CNTNAP4: variants seen among roughly 807,000 people sequenced by gnomAD.
CNTNAP4 encodes the protein contactin associated protein family member 4.
In CNTNAP4, 98 loss-of-function variants were observed where a neutral mutation model predicts 148.4. The ratio of observed to expected loss-of-function variants is 0.66; its 90% CI spans 0.56 to 0.78. CNTNAP4 has a LOEUF of 0.78. CNTNAP4 is among the 30% of genes least tolerant of loss of function. The probability of loss-of-function intolerance (pLI) is 0.00; values close to 1 mark genes in which losing one functional copy is unlikely to be tolerated. For missense variants in CNTNAP4, 1,935 were observed against 1,565.6 expected, an observed-to-expected ratio of 1.24 and a Z score of -3.98; for synonymous variants, 730 against 565.1, an observed-to-expected ratio of 1.29 and a Z score of -4.14.
At chr16:76,379,131 G>GGTGTCATAGGGTCTAACTGAATCCGA (rs1215804782) in intron 3 of CNTNAP4, among the ~76,000 whole-genome samples, 25 of 152,164 alleles carry the variant, frequency 1.6e-4, no homozygotes, top group Non-Finnish European at 2.9e-4. Flanking sequence ...CCATTCCTTG[G>GGTGTCATAGGGTCTAACTGAATCCGA]GTGTCATAGG....
chr16:76,428,232 T>C (rs1568128661), intron 4 of CNTNAP4, among the ~76,000 whole-genome samples: 1 of 152,182 alleles, frequency 6.6e-6, no homozygotes. Flanking sequence ...CTAAGAGTTA[T>C]TGATAGTGCA....
chr16:76,321,682 A>G (rs919409447), intron 2 of CNTNAP4, among the ~76,000 whole-genome samples: 1 of 150,794 alleles, frequency 6.6e-6, no homozygotes, highest in Non-Finnish European at 1.5e-5. Context: ...CCAGCTACTC[A>G]GGAGGCTGGG....
intron 2 of CNTNAP4, among the ~76,000 whole-genome samples, chr16:76,346,598 A>G (rs1356388878): frequency 6.6e-6 from 1 of 152,210 alleles, no homozygotes; most frequent in Non-Finnish European, 1.5e-5. Flanking sequence ...TAATGGGCTT[A>G]GAAAGCAAAA....
chr16:76,421,737 G>T (rs982670289), intron 3 of CNTNAP4, among the ~76,000 whole-genome samples: 3 of 152,080 alleles, frequency 2.0e-5, no homozygotes, highest in African/African-American at 7.2e-5. Context: ...TCATGTGTAG[G>T]ACACATGTAG....
At position 76,438,496 on chromosome 16, in the gene CNTNAP4, T is replaced by G. The variant is rs111368721; in HGVS notation, c.539-9516T>G. On this transcript the variant is annotated intron_variant, in intron 4 of 23. Transcript: ENST00000611870. ...GAAGAAAGAAATCCCACAAGAGTAT[T>G]GCCTTGGGAGTAAAGACTGTACCTG... Among the ~76,000 whole-genome samples the G allele has an allele frequency of 4.1e-3, 629 of 151,626 alleles. 2 individuals are homozygous for G. Among genetic ancestry groups the G allele is most frequent in the Non-Finnish European group, 6.5e-3 (445 of 67,988 alleles).
intron 3 of CNTNAP4, among the ~76,000 whole-genome samples, chr16:76,361,265 G>A (rs1212535889): frequency 6.6e-6 from 1 of 152,106 alleles, no homozygotes; most frequent in African/African-American, 2.4e-5. Flanking sequence ...TGCTTAACTG[G>A]AACATTTAAT....
In CNTNAP4 at chr16:76,537,024, C is replaced by T. The variant is rs150363587; in HGVS notation, c.2996-1092C>T. On this transcript the variant is annotated intron_variant, in intron 18 of 23. Transcript: ENST00000611870. ...CTCTTTTCAAGTCATCTGCTTTTCT[C>T]AGGAATAATCTATAATTTACAAATC... Among the ~76,000 whole-genome samples, 73 of 152,266 alleles carry T rather than the reference C, an allele frequency of 4.8e-4. No individual in the cohort carries two copies. The East Asian group carries it at 0.014, about 28-fold the overall frequency.
At chr16:76,309,623 G>T (rs934791075) in intron 1 of CNTNAP4, among the ~76,000 whole-genome samples, 3 of 152,212 alleles carry the variant, frequency 2.0e-5, no homozygotes, top group Non-Finnish European at 4.4e-5. Context: ...AAGTTATTAA[G>T]TCCTGGCTAT....
intron 1 of CNTNAP4, among the ~76,000 whole-genome samples, chr16:76,301,085 A>G (rs1959913527): frequency 1.3e-5 from 2 of 152,136 alleles, no homozygotes; most frequent in Admixed American, 1.3e-4. Flanking sequence ...ACAAAGAAAA[A>G]CTATACCATA....
chr16:76,366,813 CAAAA>C (rs975745002), intron 3 of CNTNAP4, among the ~76,000 whole-genome samples: 2 of 151,536 alleles, frequency 1.3e-5, no homozygotes, highest in African/African-American at 2.4e-5. Flanking sequence ...GTACAAGAAA[CAAAA>C]AAAGAACTAT....
intron 3 of CNTNAP4, among the ~76,000 whole-genome samples, chr16:76,384,938 T>A (rs1433155617): frequency 2.0e-5 from 3 of 152,184 alleles, no homozygotes; most frequent in South Asian, 2.1e-4. Context: ...TTAAATTTTT[T>A]AAAAAATCAA....
chr16:76,337,683 G>A (rs1483154282), intron 2 of CNTNAP4, among the ~76,000 whole-genome samples: 1 of 152,144 alleles, frequency 6.6e-6, no homozygotes, highest in Non-Finnish European at 1.5e-5. Flanking sequence ...CCCAATCCTG[G>A]TAAGCCTGAG....
At chr16:76,466,695 A>G (rs1319238508) in intron 9 of CNTNAP4, among the ~76,000 whole-genome samples, 4 of 152,184 alleles carry the variant, frequency 2.6e-5, no homozygotes, top group Non-Finnish European at 5.9e-5. Flanking sequence ...CCAGCCTTAT[A>G]TAAATGTTAG....
intron 12 of CNTNAP4, among the ~76,000 whole-genome samples, chr16:76,481,411 G>A (rs745468454): frequency 6.6e-6 from 1 of 152,150 alleles, no homozygotes; most frequent in Non-Finnish European, 1.5e-5. Flanking sequence ...CGGGTGCAGT[G>A]GCTCACACCT....
intron 15 of CNTNAP4, among the ~76,000 whole-genome samples, chr16:76,511,946 T>A (rs979313902): frequency 3.3e-5 from 5 of 151,986 alleles, no homozygotes; most frequent in Non-Finnish European, 7.4e-5. Flanking sequence ...TGGGGTAATT[T>A]TAAATAGGAT....
chr16:76,498,684 C>G lies in CNTNAP4; in HGVS notation c.2355C>G (p.Cys785Trp), dbSNP rs1038123163. The change falls in exon 15 of 24, where the codon TGC becomes TGG. Residue 785 changes from cysteine (C) to tryptophan (W), a missense_variant. Transcript: ENST00000611870. ...CTTATAAACTGGGGCCTCTGCTCTG[C>G]CAGGGAGACAGTAAGTGGTTACAAT... ...EAAYKLGPLL[C>W]QGDRSFWNSA... 1 of 1,607,420 alleles carries G rather than the reference C, an allele frequency of 6.2e-7. No individual in the cohort carries two copies. Among genetic ancestry groups the G allele is most frequent in the Non-Finnish European group, 8.5e-7 (1 of 1,177,434 alleles).
At chr16:76,461,906 T>A in intron 8 of CNTNAP4, 50 bp from the exon 9 acceptor site, 1 of 1,560,596 alleles carries the variant, frequency 6.4e-7, no homozygotes, top group African/African-American at 1.3e-5. Flanking sequence ...AACCAACTCC[T>A]TATAGTGTTC....
intron 15 of CNTNAP4, 31 bp downstream of exon 15, chr16:76,498,725 T>C: frequency 6.4e-7 from 1 of 1,556,154 alleles, no homozygotes; most frequent in Non-Finnish European, 8.7e-7. Context: ...GAAACCGTAT[T>C]TGAGAAAAGA....
At chr16:76,357,079 A>ACC (rs773750969) in intron 3 of CNTNAP4, among the ~76,000 whole-genome samples, 41 of 151,922 alleles carry the variant, frequency 2.7e-4, no homozygotes, top group African/African-American at 9.4e-4. Flanking sequence ...ACACACACAC[A>ACC]CACCCCAAAC....
Sources: allele counts gnomAD v4.1 joint callset (sites outside exome capture counted in the v4.1 genomes callset), GRCh38; gene constraint gnomAD v4.1.1; transcripts MANE v1.5; gene names NCBI Gene and HGNC (gene_info 2026-07-23, HGNC 2026-07-21).